Variants in MACROD2 observed in about 807,000 individuals in gnomAD.
MACROD2 encodes the protein ADP-ribose glycohydrolase MACROD2.
MACROD2 carries 36 observed loss-of-function variants against 70.4 expected under a neutral mutation model. The ratio of observed to expected loss-of-function variants is 0.51; its 90% CI spans 0.39 to 0.68. MACROD2 has a LOEUF of 0.68. Among genes scored for constraint, MACROD2 ranks in the 30% least tolerant of loss-of-function variants. The probability of loss-of-function intolerance (pLI) is 0.00; values close to 1 mark genes in which losing one functional copy is unlikely to be tolerated. For missense variants in MACROD2, 496 were observed against 538.4 expected, an observed-to-expected ratio of 0.92 and a Z score of 0.78; for synonymous variants, 172 against 178.8, an observed-to-expected ratio of 0.96 and a Z score of 0.30.
chr20:14,320,169 G>T (rs1185546877), intron 3 of MACROD2, among the ~76,000 whole-genome samples: 1 of 152,146 alleles, frequency 6.6e-6, no homozygotes, highest in Non-Finnish European at 1.5e-5. Context: ...CTTCTCAGTT[G>T]TTTTCCATCT....
intron 16 of MACROD2, 117 bp downstream of exon 16, chr20:16,041,395 A>G: frequency 1.3e-6 from 1 of 792,288 alleles, no homozygotes; most frequent in Non-Finnish European, 1.9e-6. Flanking sequence ...GTTAGAACAC[A>G]GTAAATTTCA....
chr20:15,230,058 A>T lies in MACROD2; in HGVS notation c.537A>T (p.Ser179=), dbSNP rs780256655. Residue 179 remains serine, a synonymous_variant, in exon 6 of 18, where the codon TCA becomes TCT. Transcript: ENST00000684519. ...LKLVKENNIR[S]VAFPCISTGI... The stretch of plus-strand genomic sequence containing the variant: ...TCGTGAAAGAAAATAACATCCGATC[A>T]GTTGTAAGTAATTTTATGTTTTTTA... 1 of 1,612,114 alleles carries T rather than the reference A, an allele frequency of 6.2e-7. No individual in the cohort carries two copies.
At chr20:16,003,080 ACC>A (rs750277677) in intron 15 of MACROD2, among the ~76,000 whole-genome samples, 4,522 of 18,934 alleles carry the variant, frequency 0.24, 70 homozygotes, top group Non-Finnish European at 0.29. Flanking sequence ...CCACCCACCC[ACC>A]CACACACACA....
At chr20:15,564,301 T>C (rs2048283344) in intron 8 of MACROD2, among the ~76,000 whole-genome samples, 2 of 152,228 alleles carry the variant, frequency 1.3e-5, no homozygotes, top group Admixed American at 1.3e-4. Context: ...ACTGGTATCT[T>C]TTTGACAGCA....
chr20:15,726,292 TG>T (rs1253929369), intron 8 of MACROD2, among the ~76,000 whole-genome samples: 2 of 152,176 alleles, frequency 1.3e-5, no homozygotes, highest in Non-Finnish European at 2.9e-5. Flanking sequence ...TAGTATTCCA[TG>T]ATATGTATGT....
intron 15 of MACROD2, among the ~76,000 whole-genome samples, chr20:16,036,376 T>G (rs2067236797): frequency 6.6e-6 from 1 of 152,030 alleles, no homozygotes; most frequent in Non-Finnish European, 1.5e-5. Flanking sequence ...TGATGACATC[T>G]GCCTCATTTA....
intron 6 of MACROD2, among the ~76,000 whole-genome samples, chr20:15,262,220 G>A (rs1475680053): frequency 6.6e-6 from 1 of 151,492 alleles, no homozygotes; most frequent in Non-Finnish European, 1.5e-5. Context: ...CTAGCCTCTG[G>A]TAACCATCAT....
At chr20:15,090,870 T>C (rs1471553075) in intron 5 of MACROD2, among the ~76,000 whole-genome samples, 3 of 152,086 alleles carry the variant, frequency 2.0e-5, no homozygotes, top group Non-Finnish European at 2.9e-5. Context: ...CCATACCCTT[T>C]CAGATATTAT....
chr20:15,942,082 G>T (rs1411601972), intron 12 of MACROD2, among the ~76,000 whole-genome samples: 1 of 152,194 alleles, frequency 6.6e-6, no homozygotes, highest in Non-Finnish European at 1.5e-5. Flanking sequence ...TGTAGTGCAG[G>T]TGTCCTCTTT....
intron 5 of MACROD2, among the ~76,000 whole-genome samples, chr20:15,092,999 T>C (rs1336519352): frequency 3.3e-5 from 5 of 152,142 alleles, no homozygotes; most frequent in Non-Finnish European, 7.3e-5. Context: ...ACAAAGTAAA[T>C]ACTTAGGAAA....
intron 5 of MACROD2, among the ~76,000 whole-genome samples, chr20:14,783,474 T>C (rs2072327134): frequency 6.6e-6 from 1 of 152,174 alleles, no homozygotes; most frequent in Non-Finnish European, 1.5e-5. Context: ...TTTCACTTTT[T>C]CTCTGCTTAC....
At chr20:15,056,969 A>G (rs383329) in intron 5 of MACROD2, among the ~76,000 whole-genome samples, 36,307 of 152,096 alleles carry the variant, frequency 0.24, 4,546 homozygotes, top group Middle Eastern at 0.33. Flanking sequence ...GTTCATCACA[A>G]AGAGTTATGT....
chr20:15,397,802 A>C (rs1293539061), intron 6 of MACROD2, among the ~76,000 whole-genome samples: 1 of 152,214 alleles, frequency 6.6e-6, no homozygotes, highest in Non-Finnish European at 1.5e-5. Context: ...GTTTCTCATG[A>C]GGGTGGGTTT....
chr20:14,045,200 C>T (rs1476503489), intron 2 of MACROD2, among the ~76,000 whole-genome samples: 1 of 152,252 alleles, frequency 6.6e-6, no homozygotes, highest in Non-Finnish European at 1.5e-5. Context: ...GGAGCCGGCT[C>T]CGGCCTTGGC....
chr20:15,203,897 T>C (rs2076678705), intron 5 of MACROD2, among the ~76,000 whole-genome samples: 1 of 152,096 alleles, frequency 6.6e-6, no homozygotes, highest in Admixed American at 6.5e-5. Context: ...CAGATAGTAA[T>C]GAATAGATAT....
At chr20:15,985,833 G>T (rs1274897655) in intron 13 of MACROD2, 1 of 152,220 alleles carries the variant, frequency 6.6e-6, no homozygotes, top group Non-Finnish European at 1.5e-5. Flanking sequence ...GCTTTATTCA[G>T]CTGGGAGCAT....
chr20:14,830,260 G>C (rs2072949521), intron 5 of MACROD2, among the ~76,000 whole-genome samples: 1 of 152,064 alleles, frequency 6.6e-6, no homozygotes, highest in African/African-American at 2.4e-5. Flanking sequence ...GTCTCTCTGA[G>C]TGGTAATTGG....
chr20:15,210,334 A>G (rs1464908602), intron 5 of MACROD2, among the ~76,000 whole-genome samples: 4 of 152,198 alleles, frequency 2.6e-5, no homozygotes, highest in African/African-American at 4.8e-5. Context: ...TTCCAGTAGC[A>G]CTAAAAACAC....
intron 5 of MACROD2, among the ~76,000 whole-genome samples, chr20:15,141,348 G>C (rs1208629200): frequency 6.6e-6 from 1 of 151,724 alleles, no homozygotes; most frequent in Non-Finnish European, 1.5e-5. Flanking sequence ...TCTGCATATA[G>C]AATTTACATG....
Sources: allele counts gnomAD v4.1 joint callset (sites outside exome capture counted in the v4.1 genomes callset), GRCh38; gene constraint gnomAD v4.1.1; transcripts MANE v1.5; gene names NCBI Gene and HGNC (gene_info 2026-07-23, HGNC 2026-07-21).